HSF2: variants seen among roughly 807,000 people sequenced by gnomAD.
The protein encoded by HSF2 is heat shock transcription factor 2, also known as heat shock factor protein 2.
A neutral mutation model predicts 65.0 loss-of-function variants in HSF2; 21 were observed. The observed-to-expected ratio is 0.32, with a 90% CI of 0.23 to 0.47. The LOEUF is 0.47. Among genes scored for constraint, HSF2 ranks in the 20% least tolerant of loss-of-function variants. HSF2 has a pLI of 1.00. For missense variants in HSF2, 499 were observed against 628.1 expected, an observed-to-expected ratio of 0.79 and a Z score of 2.20; for synonymous variants, 225 against 219.1, an observed-to-expected ratio of 1.03 and a Z score of -0.24.
chr6:122,430,313 T>C (rs1212826520), intron 11 of HSF2, among the ~76,000 whole-genome samples: 1 of 152,208 alleles, frequency 6.6e-6, no homozygotes, highest in Non-Finnish European at 1.5e-5. Context: ...TATAGTATTC[T>C]CTGATGGTAG....
chr6:122,407,992 T>G (rs1326827467), intron 1 of HSF2, among the ~76,000 whole-genome samples: 2 of 151,716 alleles, frequency 1.3e-5, no homozygotes, highest in Admixed American at 1.3e-4. Flanking sequence ...AGAGAGTGTG[T>G]TCTGGTCTCT....
At chr6:122,400,224 G>A (rs1428460844) in intron 1 of HSF2, among the ~76,000 whole-genome samples, 1 of 152,140 alleles carries the variant, frequency 6.6e-6, no homozygotes. Flanking sequence ...AAATCGCGGA[G>A]GGGACAGGGA....
At chr6:122,405,869 C>T (rs1773858014) in intron 1 of HSF2, among the ~76,000 whole-genome samples, 1 of 152,152 alleles carries the variant, frequency 6.6e-6, no homozygotes, top group African/African-American at 2.4e-5. Flanking sequence ...CTGGAGTACT[C>T]TAAAAAACTG....
At position 122,432,440 on chromosome 6, in the gene HSF2, G is replaced by T; in HGVS notation, c.*220G>T. 6 of 436,988 alleles carry T rather than the reference G, an allele frequency of 1.4e-5. No individual in the cohort carries two copies. Among genetic ancestry groups the T allele is most frequent in the South Asian group, 8.4e-5 (2 of 23,836 alleles). 27.1% of individuals were successfully genotyped at this position (436,988 alleles called of 1,614,324 possible). A position where few individuals can be genotyped will look rare whatever the true frequency, so the allele number is the denominator to read the frequency against. On this transcript the variant is annotated 3_prime_UTR_variant, in exon 13 of 13. Transcript: ENST00000368455. ...TACGCAGATGTAATGCACATTATTG[G>T]CGTATCTTTAAGTTGGATTCAAATG...
At chr6:122,423,542 A>G (rs749162197) in intron 9 of HSF2, 39 bp from the exon 10 acceptor site, 4 of 1,052,246 alleles carry the variant, frequency 3.8e-6, no homozygotes, top group Non-Finnish European at 5.6e-6. Flanking sequence ...AAAAACAAGG[A>G]TATCTAATAT....
intron 11 of HSF2, among the ~76,000 whole-genome samples, chr6:122,430,567 A>G (rs1318980355): frequency 6.6e-6 from 1 of 152,082 alleles, no homozygotes; most frequent in Admixed American, 6.6e-5. Context: ...AGTTTTTATT[A>G]TATCTTGGAG....
At chr6:122,409,707 T>C (rs1190162863) in intron 1 of HSF2, among the ~76,000 whole-genome samples, 1 of 151,964 alleles carries the variant, frequency 6.6e-6, no homozygotes, top group Non-Finnish European at 1.5e-5. Flanking sequence ...CAATGTGTTT[T>C]TCATCAAAAT....
chr6:122,425,993 A>G (rs1287081181), intron 10 of HSF2, among the ~76,000 whole-genome samples: 3 of 151,958 alleles, frequency 2.0e-5, no homozygotes, highest in Non-Finnish European at 4.4e-5. Flanking sequence ...TATTACTTCT[A>G]TTTACTTAGG....
At chr6:122,427,556 C>T in intron 10 of HSF2, among the ~76,000 whole-genome samples, 1 of 151,722 alleles carries the variant, frequency 6.6e-6, no homozygotes, top group Non-Finnish European at 1.5e-5. Flanking sequence ...CCCTGCACAC[C>T]ACTTAAGGCC....
At chr6:122,404,917 T>C (rs1773833023) in intron 1 of HSF2, among the ~76,000 whole-genome samples, 1 of 152,148 alleles carries the variant, frequency 6.6e-6, no homozygotes, top group Admixed American at 6.5e-5. Context: ...TAGCAAGAGA[T>C]TATTGTCATC....
rs767446232 is a variant in HSF2 at position 122,420,147 on chromosome 6, A to G, written c.606A>G (p.Leu202=). 4.4e-6 allele frequency: 7 copies of G among 1,607,950 alleles called. No homozygotes were observed. Among genetic ancestry groups the G allele is most frequent in the Non-Finnish European group, 5.1e-6 (6 of 1,177,384 alleles). The change falls in exon 7 of 13, where the codon CTA becomes CTG. Residue 202 remains leucine, a synonymous_variant. Transcript: ENST00000368455. ...VSLKRKRPLL[L]NTNGAQKKNL... is the part of the protein sequence containing the mutation. Reference sequence around the variant, plus strand: ...TTCTGGTTTTCAGGCCTCTACTTCTAAACACTAATGGAGCCCAAAAGAAGA... The same window carrying G: ...TTCTGGTTTTCAGGCCTCTACTTCTGAACACTAATGGAGCCCAAAAGAAGA...
chr6:122,413,681 C>G, intron 4 of HSF2, 32 bp downstream of exon 4: 1 of 1,560,716 alleles, frequency 6.4e-7, no homozygotes, highest in Non-Finnish European at 8.8e-7. Flanking sequence ...TAATTTTAAT[C>G]TGGGAATTGG....
At position 122,432,200 on chromosome 6, in the gene HSF2, A is replaced by G. The variant is rs766473259; in HGVS notation, c.1591A>G (p.Met531Val). The change falls in exon 13 of 13, where the codon ATG (methionine) becomes GTG (valine). Residue 531 changes from methionine to valine, a missense_variant. By Grantham distance (21) the Met-to-Val change is conservative. Coordinates refer to ENST00000368455, the MANE Select transcript of HSF2 (RefSeq NM_004506.4). ...ELAPAPLDSD[M>V]PLLDS is the part of the protein sequence containing the mutation. ...TGCTCCTGCACCTCTGGATAGTGAT[A>G]TGCCACTTTTAGATAGCTAAATCCC... The G allele has an allele frequency of 6.2e-7, 1 of 1,612,978 alleles. No individual in the cohort carries two copies. Among genetic ancestry groups the G allele is most frequent in the Non-Finnish European group, 8.5e-7 (1 of 1,179,192 alleles).
In HSF2 at chr6:122,432,156, T is replaced by A. The variant is rs760530809; in HGVS notation, c.1547T>A (p.Leu516Gln). ...LTEAEASEATLFYLCELAPAP... is the reference protein window; with the variant it reads ...LTEAEASEATQFYLCELAPAP... ...GAAGCTGAAGCTAGTGAAGCTACAC[T>A]GTTTTATTTATGTGAACTTGCTCCT... Residue 516 changes from leucine to glutamine, a missense_variant, in exon 13 of 13, where the codon CTG becomes CAG. By Grantham distance (113) the Leu-to-Gln change is moderately radical. This residue lies in a region of HSF2 where 349 missense variants were observed against 393.5 expected (regional missense o/e 0.89). Transcript: ENST00000368455. The A allele has an allele frequency of 6.2e-7, 1 of 1,614,122 alleles. No homozygotes were observed. The highest frequency in any genetic ancestry group is 2.2e-5 in the East Asian group (1 of 44,874).
intron 10 of HSF2, 98 bp from the exon 11 acceptor site, chr6:122,427,805 C>G: frequency 1.4e-6 from 1 of 738,898 alleles, no homozygotes; most frequent in Non-Finnish European, 2.3e-6. Context: ...AGTGCAGGGG[C>G]TACATCTCTT....
intron 10 of HSF2, 41 bp downstream of exon 10, chr6:122,423,727 G>A (rs1774285084): frequency 5.4e-6 from 6 of 1,115,154 alleles, no homozygotes; most frequent in Admixed American, 3.7e-5. Context: ...GGTAGTTTGT[G>A]TGTTTATGTA....
chr6:122,431,541 C>A, intron 12 of HSF2, 27 bp downstream of exon 12: 1 of 1,327,794 alleles, frequency 7.5e-7, no homozygotes, highest in Non-Finnish European at 1.1e-6. Flanking sequence ...TATTCAGTCT[C>A]TGTAGGTTTT....
At chr6:122,426,296 T>G (rs1451633478) in intron 10 of HSF2, among the ~76,000 whole-genome samples, 1 of 152,014 alleles carries the variant, frequency 6.6e-6, no homozygotes, top group Admixed American at 6.6e-5. Context: ...TAACCCAGAG[T>G]GGGGTCACAG....
At chr6:122,430,633 CAG>C (rs1774440836) in intron 11 of HSF2, among the ~76,000 whole-genome samples, 1 of 151,956 alleles carries the variant, frequency 6.6e-6, no homozygotes, top group Admixed American at 6.6e-5. Context: ...TGTTAAATAT[CAG>C]GGGAATTACT....
Sources: allele counts gnomAD v4.1 joint callset (sites outside exome capture counted in the v4.1 genomes callset), GRCh38; gene constraint gnomAD v4.1.1; regional missense constraint gnomAD v4.1.1; transcripts MANE v1.5; gene names NCBI Gene and HGNC (gene_info 2026-07-23, HGNC 2026-07-21).